Variants in PAK3 observed in about 807,000 individuals in gnomAD.
PAK3 encodes serine/threonine-protein kinase PAK 3.
PAK3 carries 4 observed loss-of-function variants against 41.0 expected under a neutral mutation model. The ratio of observed to expected loss-of-function variants is 0.10; its 90% CI spans 0.05 to 0.22. The LOEUF (loss-of-function observed/expected upper bound fraction) is 0.22. Among genes scored for constraint, PAK3 ranks in the 10% least tolerant of loss-of-function variants. The probability of loss-of-function intolerance (pLI) is 1.00; values close to 1 mark genes in which losing one functional copy is unlikely to be tolerated. For missense variants in PAK3, 205 were observed against 409.9 expected (o/e 0.50, Z 4.32); for synonymous variants, 146 against 139.6 (o/e 1.05, Z -0.32).
chrX:111,061,781 A>G, intron 1 of PAK3, among the ~76,000 whole-genome samples: 2 of 110,525 alleles, frequency 1.8e-5, no homozygotes, highest in Middle Eastern at 9.3e-3. Flanking sequence ...GTATAGGTAA[A>G]CTATTAATTT....
Position 111,182,885 on chromosome X carries a change from G to A in PAK3, c.831-9242G>A, listed in dbSNP as rs563599424. On this transcript the variant is annotated intron_variant, in intron 11 of 17. Coordinates refer to ENST00000372007, the MANE Select transcript of PAK3 (RefSeq NM_002578.5). ...GAGTCGGCAAACAGAACAACAACTTGTGTGTGGTTATACCAAAGGAATAAA... is the reference window on the plus strand; with the variant it reads ...GAGTCGGCAAACAGAACAACAACTTATGTGTGGTTATACCAAAGGAATAAA... Among the ~76,000 whole-genome samples the A allele has an allele frequency of 1.3e-4, 15 of 111,388 alleles. No individual in the cohort carries two copies. In the South Asian group the frequency reaches 5.7e-3, roughly 42 times the overall value.
At chrX:111,035,228 G>A (rs913060046) in intron 1 of PAK3, among the ~76,000 whole-genome samples, 2 of 110,000 alleles carry the variant, frequency 1.8e-5, no homozygotes, top group African/African-American at 6.6e-5. Context: ...TTGTTGTGAG[G>A]CTCAACTAAG....
intron 7 of PAK3, among the ~76,000 whole-genome samples, chrX:111,150,740 G>A (rs2094014671): frequency 9.0e-6 from 1 of 110,938 alleles, no homozygotes; most frequent in Admixed American, 9.6e-5. Context: ...ATTTGGGTGG[G>A]GACACAGGCA....
chrX:111,136,709 A>C (rs2149067363), intron 5 of PAK3, among the ~76,000 whole-genome samples: 1 of 112,057 alleles, frequency 8.9e-6, no homozygotes, highest in East Asian at 2.8e-4. Flanking sequence ...GAATGAGATA[A>C]CAAGGTTGAA....
chrX:110,975,169 GTC>G (rs1264371156), intron 1 of PAK3, among the ~76,000 whole-genome samples: 1 of 112,034 alleles, frequency 8.9e-6, no homozygotes. Context: ...AAGTCAAATT[GTC>G]TCTGTTTGCA....
At chrX:111,185,395 T>C (rs769038710) in intron 11 of PAK3, among the ~76,000 whole-genome samples, 4 of 111,783 alleles carry the variant, frequency 3.6e-5, no homozygotes, top group Non-Finnish European at 5.6e-5. Context: ...AGCTCTTTAG[T>C]TTAATTAGAT....
rs575679358 is a variant in PAK3 at position 111,006,104 on chromosome X, A to G, written c.-28+61476A>G. ...GGAAAACTTTAAAAAATATATATGC[A>G]GAGTCCCCTCCCTCAGAGATTATGT... On this transcript the variant is annotated intron_variant, in intron 1 of 14. Coordinates refer to the PAK3 transcript ENST00000425146. Among the ~76,000 whole-genome samples, 10 of 111,870 alleles carry G rather than the reference A, an allele frequency of 8.9e-5. No individual in the cohort carries two copies. The South Asian group carries it at 2.3e-3, about 25-fold the overall frequency.
At chrX:111,121,593 T>C (rs1197864077) in intron 4 of PAK3, among the ~76,000 whole-genome samples, 1 of 112,076 alleles carries the variant, frequency 8.9e-6, no homozygotes, top group Non-Finnish European at 1.9e-5. Context: ...TAGACCCCTG[T>C]TTTTGTTTTT....
chrX:111,098,169 G>A (rs1444374455), intron 3 of PAK3, among the ~76,000 whole-genome samples: 1 of 111,161 alleles, frequency 9.0e-6, no homozygotes, highest in East Asian at 2.8e-4. Context: ...GGGCAAACAA[G>A]TTTGCTGAGG....
At chrX:111,019,385 C>A (rs929912025) in intron 1 of PAK3, among the ~76,000 whole-genome samples, 1 of 109,904 alleles carries the variant, frequency 9.1e-6, no homozygotes, top group African/African-American at 3.3e-5. Flanking sequence ...ACAACAACCA[C>A]AAAATTCGAT....
In PAK3 at chrX:111,033,404, C is replaced by T. The variant is rs141987216; in HGVS notation, c.-28+88776C>T. ...AAATGTCGAGGTCAGGTATCCTTTG[C>T]CTCACAGGCACTGTACAGATCTGAA... On this transcript the variant is annotated intron_variant, in intron 1 of 14. Transcript: ENST00000425146. Among the ~76,000 whole-genome samples the T allele has an allele frequency of 6.1e-4, 69 of 112,255 alleles. No homozygotes were observed. In the East Asian group the frequency reaches 0.019, roughly 31 times the overall value.
intron 1 of PAK3, among the ~76,000 whole-genome samples, chrX:111,002,744 C>T (rs963367210): frequency 6.3e-5 from 7 of 111,732 alleles, no homozygotes; most frequent in African/African-American, 2.3e-4. Flanking sequence ...ACACGGTTCT[C>T]TAGAGCCAGC....
upstream of PAK3, among the ~76,000 whole-genome samples, chrX:111,093,170 C>A (rs991424186): frequency 1.8e-5 from 2 of 112,007 alleles, no homozygotes; most frequent in Non-Finnish European, 3.8e-5. Context: ...GGTGGCAGAA[C>A]AAACATAGAA....
chrX:111,215,534 G>A (rs114512733), intron 16 of PAK3, among the ~76,000 whole-genome samples: 3 of 107,964 alleles, frequency 2.8e-5, no homozygotes, highest in South Asian at 4.0e-4. Context: ...GCAAGATTCC[G>A]TCTCAAAAAA....
At chrX:111,095,330 T>C (rs1248624172), upstream of PAK3, among the ~76,000 whole-genome samples, 1 of 112,433 alleles carries the variant, frequency 8.9e-6, no homozygotes, top group African/African-American at 3.2e-5. Context: ...ATGTCCTTAT[T>C]GTTTTGTATT....
chrX:111,125,577 T>C (rs1299760786), intron 5 of PAK3, among the ~76,000 whole-genome samples: 2 of 111,608 alleles, frequency 1.8e-5, no homozygotes, highest in Non-Finnish European at 3.8e-5. Context: ...CATCTTTACA[T>C]GTGTCAGATA....
intron 8 of PAK3, among the ~76,000 whole-genome samples, chrX:111,157,491 G>T (rs986305008): frequency 1.8e-5 from 2 of 111,325 alleles, no homozygotes; most frequent in Admixed American, 1.9e-4. Flanking sequence ...CCCAACTCAG[G>T]TTAAGAACTT....
chrX:111,010,773 T>A (rs1281867467), intron 1 of PAK3, among the ~76,000 whole-genome samples: 1 of 111,716 alleles, frequency 9.0e-6, no homozygotes, highest in African/African-American at 3.3e-5. Context: ...TGTGAGACAA[T>A]TAAACCTCTT....
chrX:111,147,177 G>T (rs1305860252), intron 6 of PAK3, among the ~76,000 whole-genome samples: 1 of 111,185 alleles, frequency 9.0e-6, no homozygotes, highest in East Asian at 2.8e-4. Context: ...TTCTATTTTT[G>T]TCTCCTACCA....
Sources: gnomAD v4.1 joint callset for allele counts (sites outside exome capture counted in the v4.1 genomes callset) on GRCh38, gnomAD v4.1.1 for gene constraint, MANE v1.5 for transcripts, NCBI Gene and HGNC (gene_info 2026-07-23, HGNC 2026-07-21) for gene names.